PRELID2: variants seen among roughly 807,000 people sequenced by gnomAD.
The protein encoded by PRELID2 is PRELI domain-containing protein 2.
A neutral mutation model predicts 28.4 loss-of-function variants in PRELID2; 25 were observed. That is an observed-to-expected ratio of 0.88 (90% CI 0.64 to 1.23). The LOEUF is 1.23. Among genes scored for constraint, PRELID2 ranks in the 50% most tolerant of loss-of-function variants. The pLI, the probability that PRELID2 is intolerant of heterozygous loss-of-function variation, is 0.00. For synonymous variants in PRELID2, 76 were observed against 71.6 expected, an observed-to-expected ratio of 1.06 and a Z score of -0.31; for missense variants, 201 against 214.4, an observed-to-expected ratio of 0.94 and a Z score of 0.39.
At chr5:145,649,297 C>T (rs540982104) in intron 1 of PRELID2, among the ~76,000 whole-genome samples, 6 of 152,038 alleles carry the variant, frequency 3.9e-5, no homozygotes, top group East Asian at 1.9e-4. Context: ...AGTGGAGGGG[C>T]GGGATCCGGA....
chr5:145,360,474 T>G, the PRELID2 span, among the ~76,000 whole-genome samples: 19 of 152,152 alleles, frequency 1.2e-4, no homozygotes, highest in African/African-American at 4.6e-4. Context: ...CCTTACAGTG[T>G]CCCGACCTGG....
the PRELID2 span, among the ~76,000 whole-genome samples, chr5:145,431,062 T>A: frequency 6.9e-6 from 1 of 144,662 alleles, no homozygotes; most frequent in Non-Finnish European, 1.5e-5. Context: ...TTTGTCAGAG[T>A]TGAGCATCAC....
rs147510160 is a variant in PRELID2 at position 145,481,297 on chromosome 5, CTT to C, written n.71-7984_71-7983del. On this transcript the variant is annotated intron_variant and non_coding_transcript_variant, in intron 1 of 2. Transcript: ENST00000510259. ...TTTTTTCCTACCTTTTTTCTTTTAA[CTT>C]TTAATTCTTAACTCCTCTCCTCCCA... Among the ~76,000 whole-genome samples, 218 of 151,752 alleles carry C rather than the reference CTT, an allele frequency of 1.4e-3. 1 individual carries two copies. The highest frequency in any genetic ancestry group is 5.1e-3 in the African/African-American group (213 of 41,438).
intron 5 of PRELID2, among the ~76,000 whole-genome samples, chr5:145,773,514 C>T (rs1758230539): frequency 6.6e-6 from 1 of 152,212 alleles, no homozygotes; most frequent in Non-Finnish European, 1.5e-5. Context: ...CCATCCATGA[C>T]ATTTATAACA....
At chr5:145,447,471 T>C in the PRELID2 span, among the ~76,000 whole-genome samples, 3 of 22,308 alleles carry the variant, frequency 1.3e-4, no homozygotes, top group East Asian at 1.2e-3. Flanking sequence ...TGAAATTTTC[T>C]TTTTTTTTTT....
At chr5:145,275,095 G>A in the PRELID2 span, among the ~76,000 whole-genome samples, 3 of 152,026 alleles carry the variant, frequency 2.0e-5, no homozygotes, top group African/African-American at 7.2e-5. Flanking sequence ...CTCTTTAAAG[G>A]CCCTATCTCC....
chr5:145,399,384 A>G, the PRELID2 span, among the ~76,000 whole-genome samples: 1 of 152,154 alleles, frequency 6.6e-6, no homozygotes, highest in African/African-American at 2.4e-5. Context: ...GGATTCTGAG[A>G]AGTTCAAAGG....
At chr5:145,761,915 T>C (rs1032269680) in intron 6 of PRELID2, among the ~76,000 whole-genome samples, 1 of 151,828 alleles carries the variant, frequency 6.6e-6, no homozygotes, top group African/African-American at 2.4e-5. Context: ...TTCTGAGAAA[T>C]TAAAAAGTTC....
chr5:145,669,902 G>T (rs186527601), intron 1 of PRELID2, among the ~76,000 whole-genome samples: 5 of 151,992 alleles, frequency 3.3e-5, no homozygotes, highest in African/African-American at 1.2e-4. Context: ...ATATCAAATC[G>T]CCATCTTAGA....
At chr5:145,540,603 G>C (rs1752737619) in intron 1 of PRELID2, among the ~76,000 whole-genome samples, 1 of 148,894 alleles carries the variant, frequency 6.7e-6, no homozygotes, top group Non-Finnish European at 1.5e-5. Context: ...AGACAAACAA[G>C]TTAAATGACT....
Position 145,638,395 on chromosome 5 carries a change from CCA to C in PRELID2, n.70+126534_70+126535del, listed in dbSNP as rs200438286. On this transcript the variant is annotated intron_variant and non_coding_transcript_variant, in intron 1 of 2. Transcript: ENST00000510259. ...AACATGGCCTCCTCACCCCCTTCCC[CCA>C]CACACACAGTCACCCTCAACTCCAT... Among the ~76,000 whole-genome samples the C allele has an allele frequency of 6.8e-3, 1,033 of 152,000 alleles. 16 individuals are homozygous for C. Among genetic ancestry groups the C allele is most frequent in the African/African-American group, 0.024 (982 of 41,304 alleles).
chr5:145,229,286 C>A, the PRELID2 span: 74 of 752,028 alleles, frequency 9.8e-5, no homozygotes, highest in South Asian at 8.5e-4. Flanking sequence ...GTTCAAGGGC[C>A]GCAGTGACCT....
At chr5:145,316,300 G>T in the PRELID2 span, among the ~76,000 whole-genome samples, 1 of 152,188 alleles carries the variant, frequency 6.6e-6, no homozygotes, top group South Asian at 2.1e-4. Context: ...TAGCCTTTTA[G>T]TATTCAGTAA....
downstream of PRELID2, among the ~76,000 whole-genome samples, chr5:145,469,884 C>T (rs1752036231): frequency 6.6e-6 from 1 of 152,110 alleles, no homozygotes; most frequent in African/African-American, 2.4e-5. Context: ...AGTAAATCTG[C>T]AAGACATCAG....
chr5:145,786,140 C>A (rs928053572), intron 5 of PRELID2, among the ~76,000 whole-genome samples: 3 of 152,186 alleles, frequency 2.0e-5, no homozygotes, highest in African/African-American at 4.8e-5. Context: ...CCCTCAGCAA[C>A]CTCTCATTAT....
At chr5:145,649,212 G>A in intron 1 of PRELID2, among the ~76,000 whole-genome samples, 1 of 152,194 alleles carries the variant, frequency 6.6e-6, no homozygotes, top group Non-Finnish European at 1.5e-5. Flanking sequence ...GAGGGAAAAT[G>A]TGTGTAGGTT....
At chr5:145,613,988 T>C (rs62394201) in intron 1 of PRELID2, among the ~76,000 whole-genome samples, 5,031 of 152,326 alleles carry the variant, frequency 0.033, 175 homozygotes, top group African/African-American at 0.08. Flanking sequence ...CTTGAGTTGA[T>C]TTTTGTGTAA....
chr5:145,331,090 G>A, the PRELID2 span, among the ~76,000 whole-genome samples: 2 of 152,262 alleles, frequency 1.3e-5, no homozygotes, highest in East Asian at 3.9e-4. Flanking sequence ...ACTTTTAAAT[G>A]ACTTTCTTAA....
chr5:145,517,144 A>G (rs1752524211), intron 1 of PRELID2, among the ~76,000 whole-genome samples: 1 of 152,204 alleles, frequency 6.6e-6, no homozygotes, highest in Non-Finnish European at 1.5e-5. Flanking sequence ...AATGGGATCT[A>G]ATTAAACTAA....
Sources: allele counts gnomAD v4.1 joint callset (sites outside exome capture counted in the v4.1 genomes callset), GRCh38; gene constraint gnomAD v4.1.1; transcripts MANE v1.5; gene names NCBI Gene and HGNC (gene_info 2026-07-23, HGNC 2026-07-21).